KATNIP: variants seen among roughly 807,000 people sequenced by gnomAD.
KATNIP encodes katanin-interacting protein.
KATNIP carries 126 observed loss-of-function variants against 174.0 expected under a neutral mutation model. The observed-to-expected ratio is 0.72, with a 90% confidence interval of 0.63 to 0.84. KATNIP has a LOEUF of 0.84. Ranked by LOEUF, KATNIP falls within the 40% of genes least tolerant of loss-of-function variation. The pLI is 0.00. For missense variants in KATNIP, 1,958 were observed against 2,109.7 expected (o/e 0.93, Z 1.41); for synonymous variants, 810 against 835.7 (o/e 0.97, Z 0.53).
At chr16:27,584,620 GTC>G in intron 2 of KATNIP, among the ~76,000 whole-genome samples, 1 of 152,128 alleles carries the variant, frequency 6.6e-6, no homozygotes, top group South Asian at 2.1e-4. Context: ...GCAAAACCCT[GTC>G]TCTACTAAAA....
At chr16:27,762,168 G>A (rs1483255451) in intron 19 of KATNIP, among the ~76,000 whole-genome samples, 1 of 152,166 alleles carries the variant, frequency 6.6e-6, no homozygotes, top group Non-Finnish European at 1.5e-5. Flanking sequence ...CAGTTCCCCT[G>A]CCCTGCACAG....
Position 27,628,648 on chromosome 16 carries a change from G to A in KATNIP, c.141-13G>A, listed in dbSNP as rs149405457. The A allele has an allele frequency of 2.7e-4, 434 of 1,613,654 alleles. 1 individual carries two copies. Among genetic ancestry groups the A allele is most frequent in the African/African-American group, 2.6e-3 (196 of 75,034 alleles). On this transcript the variant is annotated splice_polypyrimidine_tract_variant and intron_variant, in intron 3 of 27. Transcript: ENST00000261588. ...AAATGATGAGGAGGAACAACCCACC[G>A]TTTCTCTTTCAGGATATTAAAGCAT...
At chr16:27,727,230 C>A in intron 14 of KATNIP, 1 of 230,792 alleles carries the variant, frequency 4.3e-6, no homozygotes. Flanking sequence ...TCTCTGCTGC[C>A]CAGGCTGGAG....
intron 14 of KATNIP, chr16:27,727,725 T>G (rs2080504707): frequency 1.3e-5 from 2 of 152,270 alleles, no homozygotes; most frequent in Admixed American, 1.3e-4. Flanking sequence ...GTGAAGAGAT[T>G]AGTTCAGTAA....
At chr16:27,554,334 A>AT (rs1179402770) in intron 1 of KATNIP, among the ~76,000 whole-genome samples, 2 of 152,138 alleles carry the variant, frequency 1.3e-5, no homozygotes, top group Admixed American at 1.3e-4. Flanking sequence ...ATGGTGGCAC[A>AT]TAACTGTGGT....
At chr16:27,651,609 A>T (rs1302288126) in intron 6 of KATNIP, among the ~76,000 whole-genome samples, 1 of 152,220 alleles carries the variant, frequency 6.6e-6, no homozygotes, top group Non-Finnish European at 1.5e-5. Context: ...GTTCAATTTC[A>T]TAGCTTCTCT....
chr16:27,615,191 C>A (rs955061241), intron 2 of KATNIP, among the ~76,000 whole-genome samples: 1 of 151,442 alleles, frequency 6.6e-6, no homozygotes, highest in Non-Finnish European at 1.5e-5. Context: ...TGCAGTGGTG[C>A]AATCATAGCT....
intron 1 of KATNIP, among the ~76,000 whole-genome samples, chr16:27,561,704 A>G (rs995490010): frequency 3.9e-5 from 6 of 151,998 alleles, no homozygotes; most frequent in East Asian, 1.9e-4. Context: ...GTGTGTGTGT[A>G]TGTGTGTGTG....
At chr16:27,666,197 T>C (rs1435171855) in intron 6 of KATNIP, among the ~76,000 whole-genome samples, 1 of 152,210 alleles carries the variant, frequency 6.6e-6, no homozygotes, top group East Asian at 1.9e-4. Flanking sequence ...ACAAAGATTG[T>C]TTTGGTTTTT....
intron 2 of KATNIP, among the ~76,000 whole-genome samples, chr16:27,579,169 C>T (rs2090603418): frequency 6.6e-6 from 1 of 152,212 alleles, no homozygotes; most frequent in Non-Finnish European, 1.5e-5. Flanking sequence ...TCCAATTCAT[C>T]CCTACAGCAT....
At position 27,577,625 on chromosome 16, in the gene KATNIP, G is replaced by A. The variant is rs139757080; in HGVS notation, c.63+3669G>A. ...GAGAATCACTTGAACTCAGAAAGCG[G>A]AGGTTGCAGTGAGCCGAGATCGGGC... On this transcript the variant is annotated intron_variant, in intron 2 of 27. Transcript: ENST00000261588. Among the ~76,000 whole-genome samples the A allele has an allele frequency of 2.4e-3, 365 of 152,310 alleles. 2 individuals carry two copies. Among genetic ancestry groups the A allele is most frequent in the Non-Finnish European group, 3.8e-3 (261 of 68,028 alleles).
At chr16:27,557,899 A>G (rs1013082947) in intron 1 of KATNIP, among the ~76,000 whole-genome samples, 2 of 152,336 alleles carry the variant, frequency 1.3e-5, no homozygotes, top group East Asian at 1.9e-4. Context: ...GAAAATATCA[A>G]TAAAGTCTGT....
At position 27,640,202 on chromosome 16, in the gene KATNIP, C is replaced by T. The variant is rs546135555; in HGVS notation, c.409-8402C>T. Among the ~76,000 whole-genome samples the T allele has an allele frequency of 1.9e-4, 29 of 152,334 alleles. No individual in the cohort carries two copies. In the South Asian group the frequency reaches 6.0e-3, roughly 32 times the overall value. ...GGGGATGTCACTGCTTTTAAATCCT[C>T]CTCCCCCATATGATTGATACTGCAA... On this transcript the variant is annotated intron_variant, in intron 5 of 27. Coordinates refer to ENST00000261588, the MANE Select transcript of KATNIP (RefSeq NM_015202.5).
rs1462854218 is a variant in KATNIP at position 27,632,622 on chromosome 16, G to A, written c.408+1460G>A. On this transcript the variant is annotated intron_variant, in intron 5 of 27. Transcript: ENST00000261588. ...CTCCATGGTCAGTGGTCCCTTACCA[G>A]GAAGAAATGCTGGTCAGTTGTGTAG... 7 of 456,452 alleles carry A rather than the reference G, an allele frequency of 1.5e-5. No individual in the cohort carries two copies. The East Asian group carries it at 4.2e-4, about 27-fold the overall frequency. The allele number at this position is 456,452 out of a possible 1,614,324, so 28.3% of individuals were successfully genotyped here.
chr16:27,628,866 G>A, intron 4 of KATNIP, 36 bp downstream of exon 4: 1 of 1,607,732 alleles, frequency 6.2e-7, no homozygotes, highest in South Asian at 1.1e-5. Context: ...TCTCAGCTCT[G>A]TTAATCAAAA....
intron 6 of KATNIP, among the ~76,000 whole-genome samples, chr16:27,652,443 C>T (rs2077147980): frequency 6.6e-6 from 1 of 152,128 alleles, no homozygotes; most frequent in African/African-American, 2.4e-5. Flanking sequence ...GAGAGTTCTG[C>T]CAAAGTGGCA....
chr16:27,667,056 T>G (rs1042661573), intron 6 of KATNIP, among the ~76,000 whole-genome samples: 2 of 151,940 alleles, frequency 1.3e-5, no homozygotes, highest in African/African-American at 4.8e-5. Context: ...TGTGGTGGTT[T>G]ATGCCTATAA....
chr16:27,742,219 C>A (rs1445973486), intron 15 of KATNIP, among the ~76,000 whole-genome samples: 1 of 152,096 alleles, frequency 6.6e-6, no homozygotes, highest in Non-Finnish European at 1.5e-5. Context: ...AGCTAGGAGT[C>A]AAACCATTGA....
intron 8 of KATNIP, among the ~76,000 whole-genome samples, chr16:27,693,044 T>C (rs2078789856): frequency 9.8e-3 from 1 of 102 alleles, no homozygotes; most frequent in Non-Finnish European, 0.019. Flanking sequence ...TCCTGGCTAT[T>C]TCAGGACCTG....
Sources: allele counts gnomAD v4.1 joint callset (sites outside exome capture counted in the v4.1 genomes callset), GRCh38; gene constraint gnomAD v4.1.1; transcripts MANE v1.5; gene names NCBI Gene and HGNC (gene_info 2026-07-23, HGNC 2026-07-21).